The following COL27A1 variants were observed in gnomAD, a reference collection of about 807,000 sequenced individuals.
COL27A1 encodes collagen type XXVII alpha 1 chain, also known as collagen alpha-1(XXVII) chain.
A neutral mutation model predicts 251.3 loss-of-function variants in COL27A1; 106 were observed. That is an observed-to-expected ratio of 0.42 (90% CI 0.36 to 0.50). The LOEUF (loss-of-function observed/expected upper bound fraction) is 0.50, where lower values mean the gene tolerates loss of function less well. Among genes scored for constraint, COL27A1 ranks in the 20% least tolerant of loss-of-function variants. COL27A1 has a pLI of 0.00. For synonymous variants in COL27A1, 1,000 were observed against 986.3 expected (o/e 1.01, Z -0.26); for missense variants, 2,325 against 2,522.8 (o/e 0.92, Z 1.68).
At chr9:114,301,759 G>C in intron 55 of COL27A1, 42 bp downstream of exon 55, 1 of 1,593,882 alleles carries the variant, frequency 6.3e-7, no homozygotes, top group South Asian at 1.1e-5. Flanking sequence ...CTCCTGGGGG[G>C]TTCCTTTGAA....
rs372463054 is a variant in COL27A1 at position 114,157,726 on chromosome 9, G to A, written c.62+1714G>A. The stretch of plus-strand genomic sequence containing the variant: ...AGAATCATGTTGGTGGGAGGCAGGC[G>A]GCACCACAGGAGGGCCATGAGGCTT... On this transcript the variant is annotated intron_variant, in intron 1 of 60. Transcript: ENST00000356083. 1.2e-4 allele frequency among the ~76,000 whole-genome samples: 19 copies of A among 152,352 alleles called. No homozygotes were observed. The East Asian group carries it at 1.4e-3, about 11-fold the overall frequency.
chr9:114,261,155 C>T (rs1054550898), intron 28 of COL27A1, among the ~76,000 whole-genome samples: 1 of 152,224 alleles, frequency 6.6e-6, no homozygotes, highest in South Asian at 2.1e-4. Flanking sequence ...ATGGTGTGTG[C>T]TCATTCCCGC....
At chr9:114,264,675 G>A (rs564710512) in intron 29 of COL27A1, among the ~76,000 whole-genome samples, 3 of 152,202 alleles carry the variant, frequency 2.0e-5, no homozygotes, top group Non-Finnish European at 4.4e-5. Context: ...CCAGGCCCCT[G>A]ACAGCTGAGA....
Position 114,301,433 on chromosome 9 carries a change from G to A in COL27A1, c.4792-12G>A. The A allele has an allele frequency of 3.7e-6, 6 of 1,611,868 alleles. No individual in the cohort carries two copies. The highest frequency in any genetic ancestry group is 3.4e-6 in the Non-Finnish European group (4 of 1,179,846). ...TTCCCTAACTCTCTCCCCTGCTTCT[G>A]TCTCCCTCCAGGGATTGCAAGGTCC... is the stretch of plus-strand genomic sequence containing the variant. On this transcript the variant is annotated splice_polypyrimidine_tract_variant and intron_variant, in intron 53 of 60. Coordinates refer to ENST00000356083, the MANE Select transcript of COL27A1 (RefSeq NM_032888.4).
chr9:114,165,089 G>T (rs1848736659), intron 2 of COL27A1, among the ~76,000 whole-genome samples: 1 of 152,202 alleles, frequency 6.6e-6, no homozygotes, highest in Admixed American at 6.5e-5. Flanking sequence ...TGAGGAAGAT[G>T]ACCATTTCAT....
intron 10 of COL27A1, among the ~76,000 whole-genome samples, chr9:114,208,385 G>C (rs1184376731): frequency 2.0e-5 from 3 of 152,068 alleles, no homozygotes; most frequent in African/African-American, 7.3e-5. Flanking sequence ...GTAAGCAGAG[G>C]TTGCAGTAAG....
chr9:114,255,393 C>T (rs945789116), intron 27 of COL27A1, among the ~76,000 whole-genome samples: 4 of 152,164 alleles, frequency 2.6e-5, no homozygotes, highest in Non-Finnish European at 5.9e-5. Flanking sequence ...GCTGGGGGTA[C>T]ATCATCGAGT....
At chr9:114,286,712 G>A (rs1827520151) in intron 41 of COL27A1, among the ~76,000 whole-genome samples, 1 of 151,992 alleles carries the variant, frequency 6.6e-6, no homozygotes, top group South Asian at 2.1e-4. Flanking sequence ...TGCACGTTGT[G>A]CACATGTACC....
intron 27 of COL27A1, among the ~76,000 whole-genome samples, chr9:114,255,240 G>A (rs1041650345): frequency 1.8e-4 from 28 of 152,176 alleles, no homozygotes; most frequent in African/African-American, 5.3e-4. Flanking sequence ...CCAGCATTCT[G>A]GTCAGGGGGC....
rs962248254 is a variant in COL27A1, at chr9:114,190,202, C to T, written c.2017-4202C>T. Among the ~76,000 whole-genome samples the T allele has an allele frequency of 1.3e-5, 2 of 152,218 alleles. 1 individual carries two copies. The highest frequency in any genetic ancestry group is 1.3e-4 in the Admixed American group (2 of 15,288). On this transcript the variant is annotated intron_variant, in intron 5 of 60. Coordinates refer to ENST00000356083, the MANE Select transcript of COL27A1 (RefSeq NM_032888.4). ...TATGTTGACTTCTCTGGGCCAGGCC[C>T]TGTGCCAGATACTGAGACCAAGGAT...
At chr9:114,219,101 G>A (rs144715448) in intron 12 of COL27A1, among the ~76,000 whole-genome samples, 9 of 152,248 alleles carry the variant, frequency 5.9e-5, no homozygotes, top group South Asian at 2.1e-4. Flanking sequence ...CCCCGAAGGC[G>A]TCCTTACAGC....
intron 27 of COL27A1, 75 bp from the exon 28 acceptor site, chr9:114,258,466 C>G: frequency 6.8e-7 from 1 of 1,459,922 alleles, no homozygotes; most frequent in South Asian, 1.2e-5. Context: ...CAAGCTTTGC[C>G]CCACACTCCC....
chr9:114,184,661 C>T (rs1828193445), intron 5 of COL27A1, among the ~76,000 whole-genome samples: 1 of 152,182 alleles, frequency 6.6e-6, no homozygotes, highest in Non-Finnish European at 1.5e-5. Flanking sequence ...TCCTGTGTGC[C>T]AGGCACTGTT....
chr9:114,203,358 A>G (rs1448580659), intron 7 of COL27A1, among the ~76,000 whole-genome samples: 1 of 152,134 alleles, frequency 6.6e-6, no homozygotes, highest in South Asian at 2.1e-4. Flanking sequence ...CACACTTTCT[A>G]TCCTGCCATC....
chr9:114,191,326 G>A (rs1428904671), intron 5 of COL27A1, among the ~76,000 whole-genome samples: 5 of 151,974 alleles, frequency 3.3e-5, no homozygotes, highest in Non-Finnish European at 5.9e-5. Context: ...ATAGGGAAAC[G>A]TGTGCCATGG....
rs748429340 is a variant in COL27A1, at chr9:114,283,690, G to C, written c.3880-19G>C. ...TGAGAGCCACACTCCATACCAACGA[G>C]GGTCTCCTCCTCTTGTAGGGTGCTC... On this transcript the variant is annotated intron_variant, in intron 39 of 60. Coordinates refer to ENST00000356083, the MANE Select transcript of COL27A1 (RefSeq NM_032888.4). 1 of 1,613,368 alleles carries C rather than the reference G, an allele frequency of 6.2e-7. No homozygotes were observed. The highest frequency in any genetic ancestry group is 1.1e-5 in the South Asian group (1 of 91,064).
intron 49 of COL27A1, among the ~76,000 whole-genome samples, chr9:114,292,913 T>A (rs1199567279): frequency 6.6e-6 from 1 of 152,196 alleles, no homozygotes; most frequent in African/African-American, 2.4e-5. Context: ...ATCATAAATG[T>A]TTATGCACCT....
intron 7 of COL27A1, among the ~76,000 whole-genome samples, chr9:114,201,153 T>C (rs368257590): frequency 5.1e-4 from 77 of 152,300 alleles, no homozygotes; most frequent in African/African-American, 1.6e-3. Flanking sequence ...AAACACAGGT[T>C]CTGTGGAGAC....
rs34569590 is a variant in COL27A1, at chr9:114,219,264, T to G, written c.2368-527T>G. On this transcript the variant is annotated intron_variant, in intron 12 of 60. Transcript: ENST00000356083. ...CTATGGAGGCTGTGCTCATGTTCAC[T>G]GGTGGTGTGACTTTGTGTGACCTTG... Among the ~76,000 whole-genome samples the G allele has an allele frequency of 9.7e-3, 1,478 of 152,346 alleles. 7 individuals are homozygous for G. The highest frequency in any genetic ancestry group is 0.024 in the Middle Eastern group (7 of 294).
Sources: allele counts gnomAD v4.1 joint callset (sites outside exome capture counted in the v4.1 genomes callset), GRCh38; gene constraint gnomAD v4.1.1; transcripts MANE v1.5; gene names NCBI Gene and HGNC (gene_info 2026-07-23, HGNC 2026-07-21).